The following RAP1GDS1 variants were observed in gnomAD, a reference collection of about 807,000 sequenced individuals.
RAP1GDS1 encodes RAP1, GTP-GDP dissociation stimulator 1.
In RAP1GDS1, 35 loss-of-function variants were observed where a neutral mutation model predicts 71.1. The observed-to-expected ratio is 0.49, with a 90% CI of 0.38 to 0.65. The LOEUF (loss-of-function observed/expected upper bound fraction) is 0.65. Among genes scored for constraint, RAP1GDS1 ranks in the 30% least tolerant of loss-of-function variants. RAP1GDS1 has a pLI of 0.00. For missense variants in RAP1GDS1, 663 were observed against 706.1 expected (o/e 0.94, Z 0.69); for synonymous variants, 229 against 243.1 (o/e 0.94, Z 0.54).
At chr4:98,383,541 A>G (rs1742310838) in intron 5 of RAP1GDS1, among the ~76,000 whole-genome samples, 1 of 151,470 alleles carries the variant, frequency 6.6e-6, no homozygotes, top group Non-Finnish European at 1.5e-5. Flanking sequence ...CCTACATGAT[A>G]ATTCTTATAT....
intron 1 of RAP1GDS1, among the ~76,000 whole-genome samples, chr4:98,278,640 T>A (rs989551767): frequency 6.6e-6 from 1 of 152,192 alleles, no homozygotes; most frequent in Non-Finnish European, 1.5e-5. Context: ...AGCAAGTTGC[T>A]TAAGCTCTTT....
At chr4:98,415,816 T>C (rs537336810) in intron 7 of RAP1GDS1, among the ~76,000 whole-genome samples, 10 of 152,226 alleles carry the variant, frequency 6.6e-5, no homozygotes, top group Non-Finnish European at 1.5e-4. Context: ...TTGAAATGTA[T>C]TCAGAAATAG....
At chr4:98,349,516 A>G (rs1736820916) in intron 3 of RAP1GDS1, among the ~76,000 whole-genome samples, 2 of 152,188 alleles carry the variant, frequency 1.3e-5, no homozygotes, top group African/African-American at 2.4e-5. Context: ...AGTCATTGGT[A>G]GCTTGATGGG....
chr4:98,340,047 G>A lies in RAP1GDS1; in HGVS notation c.113-3092G>A, dbSNP rs138859651. Among the ~76,000 whole-genome samples, 141 of 151,706 alleles carry A rather than the reference G, an allele frequency of 9.3e-4. 2 individuals carry two copies. The highest frequency in any genetic ancestry group is 8.3e-3 in the Admixed American group (127 of 15,242). ...AAAAATAAAAGATGGTGGTGAGGTT[G>A]CAGAGAAAAGGGAATGCTTATACAC... On this transcript the variant is annotated intron_variant, in intron 2 of 14. Coordinates refer to ENST00000408927, the MANE Select transcript of RAP1GDS1 (RefSeq NM_001100427.2).
chr4:98,404,250 T>TTAAAA (rs980822575), intron 6 of RAP1GDS1, among the ~76,000 whole-genome samples: 1 of 152,194 alleles, frequency 6.6e-6, no homozygotes, highest in Non-Finnish European at 1.5e-5. Flanking sequence ...TTGCTGTGGT[T>TTAAAA]ACTAGAGAAC....
chr4:98,321,735 C>T (rs1731947687), intron 2 of RAP1GDS1, among the ~76,000 whole-genome samples: 1 of 114,344 alleles, frequency 8.7e-6, no homozygotes, highest in South Asian at 3.6e-4. Context: ...ATTTTGTCAC[C>T]ACCAGGCCTG....
chr4:98,280,400 ATGTCTTCTTTTGAGAAG>A (rs1367152678), intron 1 of RAP1GDS1, among the ~76,000 whole-genome samples: 1 of 152,152 alleles, frequency 6.6e-6, no homozygotes, highest in African/African-American at 2.4e-5. Context: ...GGCTGCATAA[ATGTCTTCTTTTGAGAAG>A]TGTCTGTTCA....
Position 98,343,189 on chromosome 4 carries a change from G to C in RAP1GDS1, c.163G>C (p.Ala55Pro). The change falls in exon 3 of 15, where the codon GCA becomes CCA. Residue 55 changes from alanine (A) to proline (P), a missense_variant. Physicochemically the swap from Ala to Pro is conservative, Grantham distance 27. Coordinates refer to ENST00000408927, the MANE Select transcript of RAP1GDS1 (RefSeq NM_001100427.2). Reference protein sequence around the residue: ...IQASGILQLFASLLTPQSSCK... With the variant: ...IQASGILQLFPSLLTPQSSCK... ...AGCAAGTGGAATACTTCAGCTGTTTGCAAGTCTGTTGACTCCACAGTCTTC... is the reference window on the plus strand; with the variant it reads ...AGCAAGTGGAATACTTCAGCTGTTTCCAAGTCTGTTGACTCCACAGTCTTC... The C allele has an allele frequency of 6.2e-7, 1 of 1,607,516 alleles. No individual in the cohort carries two copies. The highest frequency in any genetic ancestry group is 8.5e-7 in the Non-Finnish European group (1 of 1,174,180).
At chr4:98,324,090 A>G (rs1230637224) in intron 2 of RAP1GDS1, among the ~76,000 whole-genome samples, 3 of 151,170 alleles carry the variant, frequency 2.0e-5, no homozygotes, top group African/African-American at 7.3e-5. Flanking sequence ...TACAAAATCA[A>G]TGTACAAAAA....
At chr4:98,301,579 C>T (rs1481039310) in intron 2 of RAP1GDS1, among the ~76,000 whole-genome samples, 1 of 152,144 alleles carries the variant, frequency 6.6e-6, no homozygotes, top group African/African-American at 2.4e-5. Context: ...GCCTACTCAG[C>T]TTCAGAGACC....
At chr4:98,416,610 A>G (rs1748066792) in intron 7 of RAP1GDS1, 135 bp from the exon 8 acceptor site, 1 of 715,106 alleles carries the variant, frequency 1.4e-6, no homozygotes. Context: ...TCGGCCTCCC[A>G]AAGTGCTGGG....
chr4:98,289,809 A>T (rs1726660797), intron 1 of RAP1GDS1, among the ~76,000 whole-genome samples: 1 of 152,052 alleles, frequency 6.6e-6, no homozygotes, highest in African/African-American at 2.4e-5. Flanking sequence ...CCCCAAATTG[A>T]CTTAATGCCA....
intron 12 of RAP1GDS1, among the ~76,000 whole-genome samples, chr4:98,432,611 AT>A (rs1157055372): frequency 6.6e-6 from 1 of 152,140 alleles, no homozygotes; most frequent in Admixed American, 6.5e-5. Context: ...CTTTCTAAAA[AT>A]AGTTTTCTCA....
intron 2 of RAP1GDS1, among the ~76,000 whole-genome samples, chr4:98,317,133 AG>A (rs1159517970): frequency 6.6e-6 from 1 of 152,058 alleles, no homozygotes; most frequent in Non-Finnish European, 1.5e-5. Context: ...GGTACTGTTA[AG>A]GGGCCTCCAT....
At chr4:98,365,400 A>G (rs1739333439) in intron 4 of RAP1GDS1, among the ~76,000 whole-genome samples, 2 of 152,098 alleles carry the variant, frequency 1.3e-5, no homozygotes, top group South Asian at 4.2e-4. Context: ...AGATCCTTTG[A>G]GCTCAGGAGT....
chr4:98,403,044 G>A (rs1001164469), intron 6 of RAP1GDS1, among the ~76,000 whole-genome samples: 8 of 152,130 alleles, frequency 5.3e-5, no homozygotes, highest in Admixed American at 2.6e-4. Context: ...CAGACAATCA[G>A]TATTTTCAAA....
chr4:98,343,220 A>G lies in RAP1GDS1; in HGVS notation c.194A>G (p.Lys65Arg), dbSNP rs768232846. ...ASLLTPQSSCKAKVANIIAEV... is the reference protein window; with the variant it reads ...ASLLTPQSSCRAKVANIIAEV... ...CTGTTGACTCCACAGTCTTCCTGCA[A>G]AGCCAAAGTAGCTAACATCATAGCA... Residue 65 changes from lysine (K) to arginine (R), a missense_variant, in exon 3 of 15, where the codon AAA (lysine) becomes AGA (arginine). Physicochemically the swap from Lys to Arg is conservative, Grantham distance 26. Coordinates refer to ENST00000408927, the MANE Select transcript of RAP1GDS1 (RefSeq NM_001100427.2). 1.9e-6 allele frequency: 3 copies of G among 1,605,946 alleles called. No individual in the cohort carries two copies. Among genetic ancestry groups the G allele is most frequent in the Admixed American group, 1.7e-5 (1 of 59,986 alleles).
chr4:98,313,234 G>T (rs188459979), intron 2 of RAP1GDS1, among the ~76,000 whole-genome samples: 1 of 152,046 alleles, frequency 6.6e-6, no homozygotes, highest in African/African-American at 2.4e-5. Flanking sequence ...TCTTATTTGG[G>T]TAAGGTGTGT....
chr4:98,337,100 G>T (rs888660706), intron 2 of RAP1GDS1, among the ~76,000 whole-genome samples: 4 of 152,036 alleles, frequency 2.6e-5, no homozygotes, highest in African/African-American at 9.7e-5. Context: ...TCACCATGTT[G>T]GCCAGGCTTG....
Sources: allele counts gnomAD v4.1 joint callset (sites outside exome capture counted in the v4.1 genomes callset), GRCh38; gene constraint gnomAD v4.1.1; transcripts MANE v1.5; gene names NCBI Gene and HGNC (gene_info 2026-07-23, HGNC 2026-07-21).